The following UBAP2L variants were observed in gnomAD, a reference collection of about 807,000 sequenced individuals.
UBAP2L encodes ubiquitin-associated protein 2-like.
Under a neutral mutation model 130.6 loss-of-function variants are expected in UBAP2L, and 12 were observed. The ratio of observed to expected loss-of-function variants is 0.09; its 90% CI spans 0.06 to 0.15. The LOEUF (loss-of-function observed/expected upper bound fraction) is 0.15, where lower values mean the gene tolerates loss of function less well. Among genes scored for constraint, UBAP2L ranks in the 10% least tolerant of loss-of-function variants. The probability of loss-of-function intolerance (pLI) is 1.00; values close to 1 mark genes in which losing one functional copy is unlikely to be tolerated. For synonymous variants in UBAP2L, 503 were observed against 524.7 expected (o/e 0.96, Z 0.57); for missense variants, 965 against 1,332.5 (o/e 0.72, Z 4.29).
chr1:154,258,939 A>T, intron 20 of UBAP2L, 38 bp from the exon 21 acceptor site: 1 of 1,585,462 alleles, frequency 6.3e-7, no homozygotes, highest in African/African-American at 1.3e-5. Context: ...TAACATCATG[A>T]CCAGTTCCTG....
At chr1:154,236,906 A>C in intron 7 of UBAP2L, 118 bp from the exon 8 acceptor site, 4 of 779,282 alleles carry the variant, frequency 5.1e-6, no homozygotes, top group Non-Finnish European at 2.1e-6. Context: ...ACAGGATTAT[A>C]GAATGGGGCC....
intron 10 of UBAP2L, among the ~76,000 whole-genome samples, chr1:154,245,386 G>C (rs901730131): frequency 6.6e-6 from 1 of 152,262 alleles, no homozygotes. Context: ...TCCATGCCAG[G>C]AACAAGGCAA....
At chr1:154,238,167 T>A (rs1394769615) in intron 8 of UBAP2L, among the ~76,000 whole-genome samples, 1 of 152,248 alleles carries the variant, frequency 6.6e-6, no homozygotes, top group Non-Finnish European at 1.5e-5. Context: ...AGGCTCTGAA[T>A]GTCGTCTGCT....
intron 1 of UBAP2L, 195 bp downstream of exon 1, chr1:154,221,170 C>A (rs1450734824): frequency 2.6e-5 from 4 of 151,898 alleles, no homozygotes; most frequent in East Asian, 3.9e-4. Context: ...ACACCCCCCC[C>A]CGAGTCATGC....
At chr1:154,241,618 T>G in intron 9 of UBAP2L, 53 bp downstream of exon 9, 1 of 1,607,962 alleles carries the variant, frequency 6.2e-7, no homozygotes, top group South Asian at 1.1e-5. Context: ...TAAGTGTTGT[T>G]TAGGGATAGA....
rs1674667358 is a variant in UBAP2L at position 154,244,456 on chromosome 1, AC to A, written c.842+1156del. On this transcript the variant is annotated intron_variant, in intron 10 of 26. Coordinates refer to ENST00000428931, the MANE Select transcript of UBAP2L (RefSeq NM_014847.4). ...AGTGGCGTGATCTTGGCTCACTGCA[AC>A]CTTCTCCTGGGTTCAAGCCATTCTT... Among the ~76,000 whole-genome samples, 4 of 152,158 alleles carry A rather than the reference AC, an allele frequency of 2.6e-5. No individual in the cohort carries two copies. In the South Asian group the frequency reaches 8.3e-4, roughly 32 times the overall value.
chr1:154,267,993 G>T (rs987352843), intron 25 of UBAP2L, among the ~76,000 whole-genome samples: 2 of 146,242 alleles, frequency 1.4e-5, no homozygotes, highest in Non-Finnish European at 1.5e-5. Context: ...GGGTTCAAGC[G>T]ATTCTCCTGC....
chr1:154,235,256 C>T lies in UBAP2L; in HGVS notation c.509C>T (p.Thr170Ile). Residue 170 changes from threonine to isoleucine, a missense_variant, in exon 6 of 27, where the codon ACA (threonine) becomes ATA (isoleucine). Thr to Ile is a moderately conservative substitution (Grantham distance 89). This residue lies in a region of UBAP2L where 109 missense variants were observed against 146.6 expected (regional missense o/e 0.74). Coordinates refer to ENST00000428931, the MANE Select transcript of UBAP2L (RefSeq NM_014847.4). ...AGTGGAGGGCCTTCTGGAAGAGGAA[C>T]AGAAAGAGGCAGAAGGGGCCGTGGC... ...TKSGGPSGRG[T>I]ERGRRGRGRG... The T allele has an allele frequency of 1.3e-6, 1 of 778,742 alleles. No individual in the cohort carries two copies. The highest frequency in any genetic ancestry group is 2.4e-6 in the Non-Finnish European group (1 of 417,648). The allele number at this position is 778,742 out of a possible 1,614,324, so 48.2% of individuals were successfully genotyped here.
intron 8 of UBAP2L, among the ~76,000 whole-genome samples, chr1:154,238,130 C>A (rs1228057749): frequency 1.3e-5 from 2 of 152,190 alleles, no homozygotes; most frequent in African/African-American, 4.8e-5. Context: ...TAGTTTTCCA[C>A]CTTTTTCCTA....
rs1667514246 is a variant in UBAP2L at position 154,225,155 on chromosome 1, G to C, written c.32G>C (p.Arg11Pro). 1 of 1,613,872 alleles carries C rather than the reference G, an allele frequency of 6.2e-7. No individual in the cohort carries two copies. The highest frequency in any genetic ancestry group is 8.5e-7 in the Non-Finnish European group (1 of 1,179,940). Residue 11 changes from arginine to proline, a missense_variant, in exon 2 of 27, where the codon CGG becomes CCG. Arg to Pro is a moderately radical substitution (Grantham distance 103). Around this residue, in one of 9 missense-constraint regions of UBAP2L, gnomAD observed 24 missense variants for 27.7 expected, o/e 0.87. Transcript: ENST00000428931. ...ACATCGGTGGGCACTAACCGAGCCC[G>C]GGGAAACTGGGAACAACCTCAAAAC... MMTSVGTNRA[R>P]GNWEQPQNQN...
chr1:154,251,181 C>T lies in UBAP2L; in HGVS notation c.1354C>T (p.Pro452Ser). Residue 452 changes from proline (P) to serine (S), a missense_variant, in exon 13 of 27, where the codon CCG becomes TCG. This residue lies in a region of UBAP2L where 74 missense variants were observed against 97.1 expected (regional missense o/e 0.76). Transcript: ENST00000428931. ...TACCTCCACAGCTGCACCTCCACCT[C>T]CGTCTTCTCCTCTGCCAAGCAAATC... ...VATSTAAPPP[P>S]SSPLPSKSTS... 1 of 1,614,208 alleles carries T rather than the reference C, an allele frequency of 6.2e-7. No individual in the cohort carries two copies. Among genetic ancestry groups the T allele is most frequent in the Admixed American group, 1.7e-5 (1 of 60,020 alleles).
chr1:154,237,114 C>G lies in UBAP2L; in HGVS notation c.681C>G (p.His227Gln). 1 of 1,614,036 alleles carries G rather than the reference C, an allele frequency of 6.2e-7. No homozygotes were observed. Among genetic ancestry groups the G allele is most frequent in the African/African-American group, 1.3e-5 (1 of 75,022 alleles). ...SSGNTWNNTG[H>Q]FEPDDGTSAW... The stretch of plus-strand genomic sequence containing the variant: ...GCAATACGTGGAACAACACTGGCCA[C>G]TTTGAACCAGATGATGGGACGAGTG... The change falls in exon 8 of 27, where the codon CAC becomes CAG. Residue 227 changes from histidine (H) to glutamine (Q), a missense_variant. His to Gln is a conservative substitution (Grantham distance 24, BLOSUM62 0). Around this residue, in one of 9 missense-constraint regions of UBAP2L, gnomAD observed 109 missense variants for 146.6 expected, o/e 0.74. Coordinates refer to ENST00000428931, the MANE Select transcript of UBAP2L (RefSeq NM_014847.4).
At chr1:154,268,417 C>T (rs1683992489) in intron 25 of UBAP2L, among the ~76,000 whole-genome samples, 1 of 152,120 alleles carries the variant, frequency 6.6e-6, no homozygotes, top group African/African-American at 2.4e-5. Context: ...TCTTAAACTC[C>T]TGACCTTGTG....
intron 4 of UBAP2L, 30 bp downstream of exon 4, chr1:154,228,755 T>C: frequency 1.3e-6 from 2 of 1,536,748 alleles, no homozygotes; most frequent in Non-Finnish European, 1.8e-6. Flanking sequence ...TTCTAGGACA[T>C]GGGTCCTCAA....
At chr1:154,253,412 T>C (rs1395289932) in intron 14 of UBAP2L, among the ~76,000 whole-genome samples, 1 of 135,416 alleles carries the variant, frequency 7.4e-6, no homozygotes, top group African/African-American at 3.0e-5. Context: ...TGAGATGGAG[T>C]CTCGCTCTGT....
chr1:154,230,293 C>T (rs1669401405), intron 4 of UBAP2L, among the ~76,000 whole-genome samples: 1 of 152,236 alleles, frequency 6.6e-6, no homozygotes, highest in African/African-American at 2.4e-5. Context: ...AGGCGTGAGC[C>T]ATGAAACCTG....
chr1:154,263,046 C>G, intron 24 of UBAP2L: 2 of 1,532,194 alleles, frequency 1.3e-6, no homozygotes, highest in Non-Finnish European at 1.8e-6. Context: ...GTTCCCAACC[C>G]CACAAAGGGC....
chr1:154,233,212 A>T (rs939413029), intron 4 of UBAP2L, among the ~76,000 whole-genome samples: 26 of 151,718 alleles, frequency 1.7e-4, no homozygotes, highest in Admixed American at 5.3e-4. Context: ...ACAGGGTTTC[A>T]CTATGTTGGC....
chr1:154,244,066 G>A (rs1010381222), intron 10 of UBAP2L, among the ~76,000 whole-genome samples: 12 of 152,160 alleles, frequency 7.9e-5, no homozygotes, highest in Admixed American at 5.2e-4. Context: ...GCTAATAAAC[G>A]TTTTAGAATT....
Sources: gnomAD v4.1 joint callset for allele counts (sites outside exome capture counted in the v4.1 genomes callset) on GRCh38, gnomAD v4.1.1 for gene constraint, gnomAD v4.1.1 regional missense constraint, MANE v1.5 for transcripts, NCBI Gene and HGNC (gene_info 2026-07-23, HGNC 2026-07-21) for gene names.